The following SPPL3 variants were observed in gnomAD, a reference collection of about 807,000 sequenced individuals.
SPPL3 encodes signal peptide peptidase like 3.
Under a neutral mutation model 42.4 loss-of-function variants are expected in SPPL3, and 5 were observed. The observed-to-expected ratio is 0.12, with a 90% CI of 0.06 to 0.25. The LOEUF is 0.25. Ranked by LOEUF, SPPL3 falls within the 10% of genes least tolerant of loss-of-function variation. SPPL3 has a pLI of 1.00. For missense variants in SPPL3, 235 were observed against 489.0 expected (o/e 0.48, Z 4.90); for synonymous variants, 195 against 181.8 (o/e 1.07, Z -0.58).
At chr12:120,803,442 T>C (rs1231078160) in intron 2 of SPPL3, among the ~76,000 whole-genome samples, 1 of 152,192 alleles carries the variant, frequency 6.6e-6, no homozygotes, top group Non-Finnish European at 1.5e-5. Flanking sequence ...TGCATTCTGA[T>C]ACCTGAGGAC....
intron 2 of SPPL3, among the ~76,000 whole-genome samples, chr12:120,795,177 G>C (rs913897648): frequency 6.6e-6 from 1 of 152,150 alleles, no homozygotes; most frequent in Non-Finnish European, 1.5e-5. Context: ...ATCTGGGCTT[G>C]AGCAATCAAT....
chr12:120,768,755 C>CACA, intron 7 of SPPL3, 198 bp downstream of exon 7: 1 of 630,742 alleles, frequency 1.6e-6, no homozygotes, highest in South Asian at 2.0e-5. Flanking sequence ...GAGTCACACA[C>CACA]ACACACTACC....
intron 2 of SPPL3, among the ~76,000 whole-genome samples, chr12:120,793,371 C>T (rs1241051641): frequency 6.6e-6 from 1 of 152,156 alleles, no homozygotes; most frequent in Non-Finnish European, 1.5e-5. Context: ...TGGCATGTGC[C>T]TACAGTTTCA....
intron 3 of SPPL3, among the ~76,000 whole-genome samples, chr12:120,787,798 TTG>T (rs982151747): frequency 1.3e-5 from 2 of 152,234 alleles, no homozygotes; most frequent in Non-Finnish European, 2.9e-5. Context: ...AGTTATTTTT[TTG>T]TGTCTGGCTT....
chr12:120,775,074 A>G (rs1474619887), intron 6 of SPPL3, among the ~76,000 whole-genome samples: 1 of 152,186 alleles, frequency 6.6e-6, no homozygotes, highest in Non-Finnish European at 1.5e-5. Context: ...GTTTCTAAGC[A>G]GTGCTCACAT....
chr12:120,797,236 T>A (rs1175012235), intron 2 of SPPL3, among the ~76,000 whole-genome samples: 1 of 52,616 alleles, frequency 1.9e-5, no homozygotes, highest in East Asian at 4.8e-4. Context: ...TGTAGATCTC[T>A]GGGTTTTTTC....
chr12:120,799,755 T>C (rs968839218), intron 2 of SPPL3, among the ~76,000 whole-genome samples: 5 of 152,188 alleles, frequency 3.3e-5, no homozygotes, highest in Non-Finnish European at 5.9e-5. Flanking sequence ...AGTGAGTTAG[T>C]AGGGCCTTAC....
At chr12:120,837,015 CTATAAT>C (rs1197357142) in intron 1 of SPPL3, among the ~76,000 whole-genome samples, 1 of 152,002 alleles carries the variant, frequency 6.6e-6, no homozygotes, top group African/African-American at 2.4e-5. Flanking sequence ...GCATGTGAAT[CTATAAT>C]TATGTCAATA....
At chr12:120,769,931 C>T (rs959100945) in intron 6 of SPPL3, 2 of 151,170 alleles carry the variant, frequency 1.3e-5, no homozygotes, top group African/African-American at 4.9e-5. Context: ...GCCAACAACC[C>T]CCAGTTTCCA....
At chr12:120,901,827 C>T in intron 1 of SPPL3, 1 of 893,808 alleles carries the variant, frequency 1.1e-6, no homozygotes, top group Non-Finnish European at 1.3e-6. Context: ...AGTAATCCCT[C>T]CTTAATAGAG....
intron 1 of SPPL3, among the ~76,000 whole-genome samples, chr12:120,897,089 TTTATTAATG>T (rs1163270145): frequency 1.3e-5 from 2 of 152,202 alleles, no homozygotes; most frequent in African/African-American, 4.8e-5. Context: ...TGAGAACTAA[TTTATTAATG>T]TTATTAATGT....
chr12:120,788,989 G>A (rs1353884962), intron 3 of SPPL3, among the ~76,000 whole-genome samples: 1 of 152,058 alleles, frequency 6.6e-6, no homozygotes, highest in Non-Finnish European at 1.5e-5. Context: ...CCATAATCAA[G>A]TACTGGTCGG....
intron 6 of SPPL3, 43 bp from the exon 7 acceptor site, chr12:120,769,102 C>T (rs778795291): frequency 1.4e-5 from 20 of 1,472,118 alleles, no homozygotes; most frequent in Non-Finnish European, 1.9e-5. Context: ...TCAGTGTGGA[C>T]TCCAGGCTCA....
intron 1 of SPPL3, among the ~76,000 whole-genome samples, chr12:120,902,208 T>C (rs952821824): frequency 3.9e-5 from 6 of 152,248 alleles, no homozygotes; most frequent in Non-Finnish European, 5.9e-5. Context: ...ACCAAGATTT[T>C]AATTCTTCCT....
intron 3 of SPPL3, among the ~76,000 whole-genome samples, chr12:120,788,707 G>A (rs1869805156): frequency 1.3e-5 from 2 of 152,108 alleles, no homozygotes; most frequent in Admixed American, 1.3e-4. Context: ...TTTGGGAGTG[G>A]GCAGCTACAA....
At chr12:120,801,132 G>A (rs519785) in intron 2 of SPPL3, among the ~76,000 whole-genome samples, 14,969 of 152,212 alleles carry the variant, frequency 0.098, 1,592 homozygotes, top group African/African-American at 0.27. Context: ...TGAGGTGGAG[G>A]CATTTCTCTG....
chr12:120,877,298 A>T (rs1200853909), intron 1 of SPPL3, among the ~76,000 whole-genome samples: 1 of 152,216 alleles, frequency 6.6e-6, no homozygotes, highest in Non-Finnish European at 1.5e-5. Context: ...CCATTTGAAG[A>T]AAGAATTATC....
intron 1 of SPPL3, among the ~76,000 whole-genome samples, chr12:120,846,171 C>T (rs1253670189): frequency 6.6e-6 from 1 of 152,070 alleles, no homozygotes; most frequent in Non-Finnish European, 1.5e-5. Flanking sequence ...AGAGCAGGGG[C>T]CTTGATGCTT....
intron 3 of SPPL3, among the ~76,000 whole-genome samples, chr12:120,789,824 CAAAAAAAAAAAAA>C (rs3050392): frequency 3.0e-4 from 9 of 30,460 alleles, no homozygotes; most frequent in Non-Finnish European, 4.4e-4. Flanking sequence ...GACTCCGTCT[CAAAAAAAAAAAAA>C]AAAAAAAAAA....
Sources: gnomAD v4.1 joint callset for allele counts (sites outside exome capture counted in the v4.1 genomes callset) on GRCh38, gnomAD v4.1.1 for gene constraint, MANE v1.5 for transcripts, NCBI Gene and HGNC (gene_info 2026-07-23, HGNC 2026-07-21) for gene names.